The following RFC1 variants were observed in gnomAD, a reference collection of about 807,000 sequenced individuals.
RFC1 encodes A1 140 kDa subunit.
In RFC1, 37 loss-of-function variants were observed where a neutral mutation model predicts 137.4. The ratio of observed to expected loss-of-function variants is 0.27; its 90% CI spans 0.21 to 0.35. The LOEUF (loss-of-function observed/expected upper bound fraction) is 0.35, where lower values mean the gene tolerates loss of function less well. RFC1 is among the 10% of genes least tolerant of loss of function. The pLI is 1.00. For synonymous variants in RFC1, 429 were observed against 455.7 expected (o/e 0.94, Z 0.75); for missense variants, 1,205 against 1,358.5 (o/e 0.89, Z 1.78).
chr4:39,295,599 A>G lies in RFC1; in HGVS notation c.2954+15T>C. The G allele has an allele frequency of 6.3e-7, 1 of 1,584,830 alleles. No individual in the cohort carries two copies. Among genetic ancestry groups the G allele is most frequent in the Admixed American group, 1.8e-5 (1 of 56,764 alleles). ...CAAATCGATAAAATACCCGAAACAGAGTAATCCCACCTACCTGAGACTCAT... is the reference window on the plus strand; with the variant it reads ...CAAATCGATAAAATACCCGAAACAGGGTAATCCCACCTACCTGAGACTCAT... On this transcript the variant is annotated intron_variant, in intron 22 of 24. Coordinates refer to ENST00000349703, the MANE Select transcript of RFC1 (RefSeq NM_002913.5).
chr4:39,308,791 C>G lies in RFC1; in HGVS notation c.1730G>C (p.Ser577Thr). The change falls in exon 13 of 25, where the codon AGT becomes ACT. Residue 577 changes from serine (S) to threonine (T), a missense_variant. Physicochemically the swap from Ser to Thr is moderately conservative, Grantham distance 58. This residue lies in a region of RFC1 where 962 missense variants were observed against 1,035.3 expected (regional missense o/e 0.93). Coordinates refer to ENST00000349703, the MANE Select transcript of RFC1 (RefSeq NM_002913.5). ...SKARNLADDS[S>T]ENKVENLLWV... ...GAGCAAATTTTCCACTTTGTTTTCA[C>G]TGCTGTCATCAGCCAAATTCCTAGC... 5 of 1,614,216 alleles carry G rather than the reference C, an allele frequency of 3.1e-6. No individual in the cohort carries two copies. The highest frequency in any genetic ancestry group is 4.2e-6 in the Non-Finnish European group (5 of 1,180,038).
At chr4:39,345,304 A>T in intron 3 of RFC1, 97 bp downstream of exon 3, 1 of 996,260 alleles carries the variant, frequency 1.0e-6, no homozygotes, top group East Asian at 2.7e-5. Context: ...TACAGGCATG[A>T]GCCACCGCAC....
At position 39,344,113 on chromosome 4, in the gene RFC1, C is replaced by CA. The variant is rs200972830; in HGVS notation, c.208+1287dup. Among the ~76,000 whole-genome samples, 324 of 103,486 alleles carry CA rather than the reference C, an allele frequency of 3.1e-3. 1 individual carries two copies. The highest frequency in any genetic ancestry group is 6.2e-3 in the African/African-American group (176 of 28,234). 67.9% of individuals were successfully genotyped at this position (103,486 alleles called of 152,430 possible). Reference sequence around the variant, plus strand: ...TGGGTGACAGAGCAAAATTCCGTCTCAAAAAAAAAAAAAAATTCACACCAG... The same window carrying CA: ...TGGGTGACAGAGCAAAATTCCGTCTCAAAAAAAAAAAAAAAATTCACACCAG... On this transcript the variant is annotated intron_variant, in intron 3 of 24. Transcript: ENST00000349703.
intron 10 of RFC1, among the ~76,000 whole-genome samples, chr4:39,314,429 C>G (rs1739131425): frequency 6.6e-6 from 1 of 152,158 alleles, no homozygotes; most frequent in South Asian, 2.1e-4. Flanking sequence ...CTTAGCACTT[C>G]TAGCCTCCCT....
At chr4:39,308,601 CA>C (rs1302405586) in intron 13 of RFC1, 34 bp downstream of exon 13, 1 of 1,583,598 alleles carries the variant, frequency 6.3e-7, no homozygotes, top group African/African-American at 1.3e-5. Flanking sequence ...TGTTGATATA[CA>C]CACACACAAA....
Position 39,351,362 on chromosome 4 carries a change from T to C in RFC1, c.118A>G (p.Ile40Val). 6.4e-7 allele frequency: 1 copy of C among 1,561,184 alleles called. No homozygotes were observed. The highest frequency in any genetic ancestry group is 1.4e-5 in the African/African-American group (1 of 71,146). ...AGAAAACTAACCTTGATTTCCTTTA[T>C]TCCTTTCTTTGCTTTTAAAGTTTCT... ...DEETLKAKKG[I>V]KEIKVNSSRK... Residue 40 changes from isoleucine (I) to valine (V), a missense_variant, in exon 2 of 25, where the codon ATA (isoleucine) becomes GTA (valine). Physicochemically the swap from Ile to Val is conservative, Grantham distance 29. This residue lies in a region of RFC1 where 962 missense variants were observed against 1,035.3 expected (regional missense o/e 0.93). Coordinates refer to ENST00000349703, the MANE Select transcript of RFC1 (RefSeq NM_002913.5).
At chr4:39,304,780 T>C (rs1032381043) in intron 15 of RFC1, 34 bp downstream of exon 15, 6 of 1,175,692 alleles carry the variant, frequency 5.1e-6, no homozygotes, top group Non-Finnish European at 7.7e-6. Context: ...ATTTTTCTTA[T>C]ATAACAACAA....
chr4:39,298,464 T>C (rs1291066924), intron 21 of RFC1, among the ~76,000 whole-genome samples: 3 of 152,226 alleles, frequency 2.0e-5, no homozygotes, highest in Admixed American at 6.5e-5. Flanking sequence ...TGTATAACTA[T>C]ACAAAAGTCA....
intron 4 of RFC1, among the ~76,000 whole-genome samples, chr4:39,340,955 C>A (rs548471630): frequency 6.6e-6 from 1 of 152,092 alleles, no homozygotes; most frequent in Non-Finnish European, 1.5e-5. Flanking sequence ...TACTGCCTAA[C>A]GTTCATAAAA....
intron 7 of RFC1, among the ~76,000 whole-genome samples, chr4:39,322,042 T>C (rs1418154075): frequency 6.6e-6 from 1 of 152,068 alleles, no homozygotes; most frequent in Non-Finnish European, 1.5e-5. Context: ...ATATTGACAT[T>C]GACAATTATA....
Position 39,291,949 on chromosome 4 carries a change from CA to C in RFC1, c.2955-98del, listed in dbSNP as rs143741290. The C allele has an allele frequency of 6.9e-3, 6,005 of 867,954 alleles. 38 individuals carry two copies. The highest frequency in any genetic ancestry group is 7.8e-3 in the Non-Finnish European group (4,066 of 522,938). 53.8% of individuals were successfully genotyped at this position (867,954 alleles called of 1,614,324 possible). ...TGAGTTAATCAGGCAGAGTTCAATC[CA>C]ATTTCAATAATGCTGAATGGAATGC... On this transcript the variant is annotated intron_variant, in intron 22 of 24. Transcript: ENST00000349703.
At chr4:39,327,482 G>A (rs11096992) in intron 5 of RFC1, 42 bp downstream of exon 5, 579,443 of 1,249,376 alleles carry the variant, frequency 0.46, 136,306 homozygotes, top group Middle Eastern at 0.49. Flanking sequence ...TAGTGAATGG[G>A]TATAAATCCT....
intron 21 of RFC1, chr4:39,296,010 C>T (rs1737969570): frequency 3.2e-6 from 1 of 316,676 alleles, no homozygotes; most frequent in African/African-American, 2.1e-5. Context: ...GTCGCCAACT[C>T]AGCCTCCTCA....
chr4:39,299,474 G>A (rs994892400), intron 21 of RFC1, among the ~76,000 whole-genome samples: 2 of 151,874 alleles, frequency 1.3e-5, no homozygotes, highest in African/African-American at 2.4e-5. Context: ...TTAGCTGGGC[G>A]TGGTGACGGG....
chr4:39,308,611 A>C lies in RFC1; in HGVS notation c.1885+25T>G, dbSNP rs748120184. On this transcript the variant is annotated intron_variant, in intron 13 of 24. Coordinates refer to ENST00000349703, the MANE Select transcript of RFC1 (RefSeq NM_002913.5). ...TCACATGTTGATATACACACACACA[A>C]AAATGAGTGAGGTTGTAAAATCACC... is the stretch of plus-strand genomic sequence containing the variant. 3.8e-6 allele frequency: 6 copies of C among 1,594,584 alleles called. No homozygotes were observed. The South Asian group carries it at 4.5e-5, about 12-fold the overall frequency.
At position 39,317,026 on chromosome 4, in the gene RFC1, TG is replaced by T. The variant is rs777505083; in HGVS notation, c.1096-5del. ...CAGAATCTTCAGGACTTACAGACTTTGGGAACAGGGAAAGGAAAATGAACAA... is the reference window on the plus strand; with the variant it reads ...CAGAATCTTCAGGACTTACAGACTTTGGAACAGGGAAAGGAAAATGAACAA... On this transcript the variant is annotated splice_region_variant and splice_polypyrimidine_tract_variant and intron_variant, in intron 9 of 24. Transcript: ENST00000349703. 2 of 1,595,378 alleles carry T rather than the reference TG, an allele frequency of 1.3e-6. No homozygotes were observed. Among genetic ancestry groups the T allele is most frequent in the African/African-American group, 2.7e-5 (2 of 74,564 alleles).
At chr4:39,336,419 T>A (rs1288499016) in intron 4 of RFC1, among the ~76,000 whole-genome samples, 4 of 152,230 alleles carry the variant, frequency 2.6e-5, no homozygotes, top group Admixed American at 1.3e-4. Context: ...TCAACTGAAG[T>A]AGACAAGGGC....
Position 39,320,462 on chromosome 4 carries a change from T to C in RFC1, c.1016A>G (p.Lys339Arg). The C allele has an allele frequency of 6.3e-7, 1 of 1,592,418 alleles. No individual in the cohort carries two copies. The highest frequency in any genetic ancestry group is 1.4e-5 in the African/African-American group (1 of 73,308). The change falls in exon 9 of 25, where the codon AAA becomes AGA. Residue 339 changes from lysine (K) to arginine (R), a missense_variant. Lys to Arg is a conservative substitution (Grantham distance 26, BLOSUM62 2). Around this residue, in one of 3 missense-constraint regions of RFC1, gnomAD observed 962 missense variants for 1,035.3 expected, o/e 0.93. Coordinates refer to ENST00000349703, the MANE Select transcript of RFC1 (RefSeq NM_002913.5). ...CAATTTAATGGCATTTTCTTTTCTT[T>C]TTGAGGCCACAGGCTCTATTTCTTT... ...SYKEIEPVAS[K>R]RKENAIKLKG...
chr4:39,298,062 C>G (rs1442290763), intron 21 of RFC1, among the ~76,000 whole-genome samples: 2 of 152,076 alleles, frequency 1.3e-5, no homozygotes, highest in Non-Finnish European at 2.9e-5. Flanking sequence ...TGCCAGTAAC[C>G]CCAGCACTTT....
Sources: gnomAD v4.1 joint callset for allele counts (sites outside exome capture counted in the v4.1 genomes callset) on GRCh38, gnomAD v4.1.1 for gene constraint, gnomAD v4.1.1 regional missense constraint, MANE v1.5 for transcripts, NCBI Gene and HGNC (gene_info 2026-07-23, HGNC 2026-07-21) for gene names.